SASH1: variants seen among roughly 807,000 people sequenced by gnomAD.
The protein encoded by SASH1 is SAM and SH3 domain containing 1, also known as SAM and SH3 domain-containing protein 1.
SASH1 carries 44 observed loss-of-function variants against 125.2 expected under a neutral mutation model. That is an observed-to-expected ratio of 0.35 (90% CI 0.28 to 0.45). The LOEUF is 0.45. SASH1 is among the 20% of genes least tolerant of loss of function. SASH1 has a pLI of 1.00. For synonymous variants in SASH1, 639 were observed against 649.1 expected, an observed-to-expected ratio of 0.98 and a Z score of 0.24; for missense variants, 1,426 against 1,614.5, an observed-to-expected ratio of 0.88 and a Z score of 2.00.
At chr6:148,394,930 C>A (rs1275559854) in intron 2 of SASH1, among the ~76,000 whole-genome samples, 3 of 152,218 alleles carry the variant, frequency 2.0e-5, no homozygotes, top group Admixed American at 1.3e-4. Context: ...AGGCATGAGC[C>A]ACTGTGACTG....
chr6:148,249,332 G>GTA, the SASH1 span, among the ~76,000 whole-genome samples: 1 of 1,798 alleles, frequency 5.6e-4, no homozygotes, highest in East Asian at 0.013. Flanking sequence ...GCACGTGTGT[G>GTA]TGTGTGTGTG....
the SASH1 span, among the ~76,000 whole-genome samples, chr6:148,208,886 T>C: frequency 3.9e-5 from 6 of 152,218 alleles, no homozygotes; most frequent in African/African-American, 1.4e-4. Context: ...TAAATAGCAG[T>C]AATAAGATGT....
intron 4 of SASH1, among the ~76,000 whole-genome samples, chr6:148,459,482 G>A (rs1777517255): frequency 6.6e-6 from 1 of 152,166 alleles, no homozygotes. Context: ...TTAACTTTCG[G>A]TACAAGTCAC....
At chr6:148,363,636 G>A (rs140547939) in intron 1 of SASH1, among the ~76,000 whole-genome samples, 4,403 of 151,870 alleles carry the variant, frequency 0.029, 209 homozygotes, top group East Asian at 0.18. Context: ...TCCTGACCTC[G>A]TGATCCACCC....
the SASH1 span, among the ~76,000 whole-genome samples, chr6:148,219,302 T>C: frequency 1.3e-5 from 2 of 152,220 alleles, no homozygotes; most frequent in African/African-American, 4.8e-5. Context: ...AACTTTGCAG[T>C]AACGTTGCCA....
At chr6:148,333,372 C>T (rs1029547984) in intron 1 of SASH1, among the ~76,000 whole-genome samples, 7 of 152,124 alleles carry the variant, frequency 4.6e-5, no homozygotes, top group African/African-American at 1.7e-4. Flanking sequence ...GACTGGGTGA[C>T]AGAGGGAGAC....
intron 6 of SASH1, among the ~76,000 whole-genome samples, chr6:148,472,192 C>T (rs1178214102): frequency 7.9e-5 from 12 of 152,182 alleles, no homozygotes; most frequent in African/African-American, 2.7e-4. Context: ...AAAAAGTTTT[C>T]CTTGATCACC....
intron 1 of SASH1, among the ~76,000 whole-genome samples, chr6:148,333,722 T>A (rs1380861451): frequency 6.6e-6 from 1 of 152,066 alleles, no homozygotes; most frequent in Non-Finnish European, 1.5e-5. Flanking sequence ...CCACCACACC[T>A]GACTAATTTT....
upstream of SASH1, among the ~76,000 whole-genome samples, chr6:148,338,363 G>A (rs147032310): frequency 1.3e-3 from 190 of 149,858 alleles, no homozygotes; most frequent in African/African-American, 4.2e-3. Flanking sequence ...GGAGACAGAG[G>A]TTACAGTGAG....
intron 7 of SASH1, among the ~76,000 whole-genome samples, chr6:148,481,164 G>C (rs144847819): frequency 3.2e-4 from 49 of 151,904 alleles, no homozygotes; most frequent in African/African-American, 1.1e-3. Flanking sequence ...TAAATTTGTT[G>C]GTGTTCTCAA....
intron 8 of SASH1, among the ~76,000 whole-genome samples, chr6:148,505,916 G>T (rs80035407): frequency 1.3e-5 from 2 of 151,060 alleles, no homozygotes; most frequent in Non-Finnish European, 3.0e-5. Context: ...GATTACAGGT[G>T]TGAGCCACCG....
Position 148,546,085 on chromosome 6 carries a change from A to C in SASH1, c.3419A>C (p.Asp1140Ala). The C allele has an allele frequency of 1.2e-6, 2 of 1,614,236 alleles. No homozygotes were observed. The highest frequency in any genetic ancestry group is 1.7e-6 in the Non-Finnish European group (2 of 1,180,050). ...GAGGACTTGGATCAGCCCGAGCGGG[A>C]CGTCGCCGCCAACATGGACCAGATC... ...YAEDLDQPER[D>A]VAANMDQIRV... Residue 1140 changes from aspartate to alanine, a missense_variant, in exon 19 of 20, where the codon GAC (aspartate) becomes GCC (alanine). Asp to Ala is a moderately radical substitution (Grantham distance 126). This residue lies in a region of SASH1 where 634 missense variants were observed against 694.4 expected (regional missense o/e 0.91). Transcript: ENST00000367467.
chr6:148,504,501 G>A (rs1057073392), intron 8 of SASH1, among the ~76,000 whole-genome samples: 3 of 152,066 alleles, frequency 2.0e-5, no homozygotes, highest in Non-Finnish European at 2.9e-5. Context: ...GTTCAAGCCC[G>A]CCACCCAGAG....
the SASH1 span, among the ~76,000 whole-genome samples, chr6:148,203,296 G>C: frequency 6.6e-6 from 1 of 152,172 alleles, no homozygotes; most frequent in Admixed American, 6.5e-5. Flanking sequence ...GAATTCTGGG[G>C]TGGAGGGACA....
In SASH1 at chr6:148,548,334, G is replaced by A. The variant is rs577978226; in HGVS notation, c.3520G>A (p.Val1174Ile). Residue 1174 changes from valine to isoleucine, a missense_variant, in exon 20 of 20, where the codon GTC becomes ATC. Val to Ile is a conservative substitution (Grantham distance 29). Around this residue, in one of 3 missense-constraint regions of SASH1, gnomAD observed 634 missense variants for 694.4 expected, o/e 0.91. Coordinates refer to ENST00000367467, the MANE Select transcript of SASH1 (RefSeq NM_015278.5). Reference protein sequence around the residue: ...GGLTEICRKPVSPGCISSVSD... With the variant: ...GGLTEICRKPISPGCISSVSD... ...ACTCACGGAAATCTGCCGAAAGCCC[G>A]TCTCTCCTGGGTGCATTTCGTCTGT... 81 of 1,613,664 alleles carry A rather than the reference G, an allele frequency of 5.0e-5. No individual in the cohort carries two copies. Among genetic ancestry groups the A allele is most frequent in the South Asian group, 4.9e-4 (45 of 90,928 alleles).
At chr6:148,231,161 T>G in the SASH1 span, among the ~76,000 whole-genome samples, 87 of 152,360 alleles carry the variant, frequency 5.7e-4, no homozygotes, top group African/African-American at 2.0e-3. Flanking sequence ...CTGTGTGGTG[T>G]GAGAAAAGCG....
chr6:148,339,479 TGCTG>T (rs1781261672), upstream of SASH1, among the ~76,000 whole-genome samples: 1 of 151,800 alleles, frequency 6.6e-6, no homozygotes, highest in Admixed American at 6.6e-5. Flanking sequence ...AGTGCCAAAA[TGCTG>T]GCTAAGGTTT....
chr6:148,484,232 CT>C (rs1778745668), intron 7 of SASH1, among the ~76,000 whole-genome samples: 1 of 152,052 alleles, frequency 6.6e-6, no homozygotes, highest in African/African-American at 2.4e-5. Context: ...AAGCATTACT[CT>C]TTTAAAGATG....
intron 5 of SASH1, among the ~76,000 whole-genome samples, chr6:148,470,714 G>T (rs1050188594): frequency 6.6e-6 from 1 of 152,206 alleles, no homozygotes; most frequent in African/African-American, 2.4e-5. Flanking sequence ...GGTAGAGGGA[G>T]ACCCATTTGG....
Sources: allele counts gnomAD v4.1 joint callset (sites outside exome capture counted in the v4.1 genomes callset), GRCh38; gene constraint gnomAD v4.1.1; regional missense constraint gnomAD v4.1.1; transcripts MANE v1.5; gene names NCBI Gene and HGNC (gene_info 2026-07-23, HGNC 2026-07-21).